Variants in THSD7B observed in about 807,000 individuals in gnomAD.
THSD7B encodes the protein thrombospondin type 1 domain containing 7B.
In THSD7B, 138 loss-of-function variants were observed where a neutral mutation model predicts 213.6. The observed-to-expected ratio is 0.65, with a 90% CI of 0.56 to 0.74. The LOEUF is 0.74. Ranked by LOEUF, THSD7B falls within the 30% of genes least tolerant of loss-of-function variation. The probability of loss-of-function intolerance (pLI) is 0.00; values close to 1 mark genes in which losing one functional copy is unlikely to be tolerated. For missense variants in THSD7B, 1,931 were observed against 1,991.5 expected, an observed-to-expected ratio of 0.97 and a Z score of 0.58; for synonymous variants, 742 against 687.0, an observed-to-expected ratio of 1.08 and a Z score of -1.25.
At chr2:137,225,382 G>A (rs1019430705) in intron 7 of THSD7B, among the ~76,000 whole-genome samples, 1 of 152,204 alleles carries the variant, frequency 6.6e-6, no homozygotes, top group Non-Finnish European at 1.5e-5. Context: ...AGCTGACAAT[G>A]AATTGTGTAG....
At chr2:136,825,720 T>TTTTTTTTTTTTTGTTTTTTTG (rs1682636776) in intron 1 of THSD7B, among the ~76,000 whole-genome samples, 1 of 143,332 alleles carries the variant, frequency 7.0e-6, no homozygotes, top group Non-Finnish European at 1.5e-5. Flanking sequence ...CCTGGCTAAT[T>TTTTTTTTTTTTTGTTTTTTTG]TTTTTTTTTT....
chr2:136,952,391 T>C (rs1270003637), intron 2 of THSD7B, among the ~76,000 whole-genome samples: 1 of 150,842 alleles, frequency 6.6e-6, no homozygotes, highest in Admixed American at 6.6e-5. Flanking sequence ...TCAGTTTCCA[T>C]GAAAAATATA....
At chr2:137,334,380 A>G (rs901260432) in intron 12 of THSD7B, among the ~76,000 whole-genome samples, 4 of 152,190 alleles carry the variant, frequency 2.6e-5, no homozygotes, top group African/African-American at 9.7e-5. Context: ...GGAGCAAGAA[A>G]GGAAGTGATG....
At chr2:137,127,098 G>A (rs2104949223) in intron 5 of THSD7B, among the ~76,000 whole-genome samples, 1 of 152,210 alleles carries the variant, frequency 6.6e-6, no homozygotes, top group South Asian at 2.1e-4. Flanking sequence ...AATAATGCAA[G>A]AATTAGCAAA....
intron 18 of THSD7B, among the ~76,000 whole-genome samples, chr2:137,616,854 G>A (rs951326324): frequency 3.9e-5 from 6 of 152,182 alleles, no homozygotes; most frequent in Non-Finnish European, 7.3e-5. Flanking sequence ...AGTGCTCAGT[G>A]TCTAAAACCA....
chr2:137,290,744 A>G (rs1378436776), intron 12 of THSD7B, among the ~76,000 whole-genome samples: 1 of 152,088 alleles, frequency 6.6e-6, no homozygotes, highest in Non-Finnish European at 1.5e-5. Flanking sequence ...CTAAAAGTGA[A>G]CCTATTTTCT....
intron 4 of THSD7B, among the ~76,000 whole-genome samples, chr2:137,099,770 A>G (rs1257035960): frequency 1.3e-5 from 2 of 152,252 alleles, no homozygotes; most frequent in African/African-American, 4.8e-5. Flanking sequence ...ATCTCAAGGC[A>G]GAAGCTGCAC....
chr2:137,625,811 G>T (rs948977358), intron 20 of THSD7B, among the ~76,000 whole-genome samples: 3 of 152,220 alleles, frequency 2.0e-5, no homozygotes, highest in African/African-American at 7.2e-5. Context: ...TGCCACGGTG[G>T]AAACTCTGTG....
At chr2:136,899,889 G>T (rs1684036228) in intron 2 of THSD7B, among the ~76,000 whole-genome samples, 1 of 152,178 alleles carries the variant, frequency 6.6e-6, no homozygotes, top group South Asian at 2.1e-4. Context: ...AGGTTCAATA[G>T]TGCAGCCTGC....
At chr2:137,577,875 T>C (rs2105241582) in intron 17 of THSD7B, among the ~76,000 whole-genome samples, 1 of 152,278 alleles carries the variant, frequency 6.6e-6, no homozygotes, top group South Asian at 2.1e-4. Flanking sequence ...CAAAAGTTAA[T>C]TAACTGATTA....
intron 2 of THSD7B, among the ~76,000 whole-genome samples, chr2:137,016,510 G>C (rs142533993): frequency 9.2e-5 from 14 of 152,212 alleles, no homozygotes; most frequent in African/African-American, 3.4e-4. Context: ...AAACCTACTT[G>C]CCACCGCACA....
intron 12 of THSD7B, among the ~76,000 whole-genome samples, chr2:137,355,878 G>T (rs1050079349): frequency 7.2e-5 from 11 of 152,316 alleles, no homozygotes; most frequent in Non-Finnish European, 1.6e-4. Context: ...GCTCTGTAAA[G>T]CTAGGCTAAC....
chr2:137,217,929 GA>G (rs988764479), intron 7 of THSD7B, among the ~76,000 whole-genome samples: 3 of 151,970 alleles, frequency 2.0e-5, no homozygotes, highest in Admixed American at 6.6e-5. Context: ...TATGTCTCAG[GA>G]AAAAATGCAT....
intron 5 of THSD7B, among the ~76,000 whole-genome samples, chr2:137,138,955 G>T (rs958246003): frequency 3.9e-5 from 6 of 151,972 alleles, no homozygotes; most frequent in Admixed American, 2.6e-4. Context: ...TCTATAAGGT[G>T]GTATGATTAT....
chr2:137,543,953 C>G (rs1478531705), intron 15 of THSD7B, among the ~76,000 whole-genome samples: 1 of 151,678 alleles, frequency 6.6e-6, no homozygotes, highest in Non-Finnish European at 1.5e-5. Context: ...ACAAAGATGC[C>G]TACAACACAG....
intron 15 of THSD7B, among the ~76,000 whole-genome samples, chr2:137,546,478 A>ATATTATATATATT (rs1491402224): frequency 9.0e-5 from 5 of 55,618 alleles, no homozygotes; most frequent in Non-Finnish European, 1.2e-4. Flanking sequence ...ATATATATAT[A>ATATTATATATATT]ATATATATAT....
rs930262007 is a variant in THSD7B, at chr2:137,071,118, G to T, written c.950+13888G>T. Among the ~76,000 whole-genome samples the T allele has an allele frequency of 5.3e-5, 8 of 152,154 alleles. No individual in the cohort carries two copies. In the South Asian group the frequency reaches 1.0e-3, roughly 20 times the overall value. ...GGGTCAAGTGGTATTTCTAGTTCTA[G>T]ATCCCTGAGGAATCGCCACACTGAC... On this transcript the variant is annotated intron_variant, in intron 3 of 27. Transcript: ENST00000409968.
intron 7 of THSD7B, among the ~76,000 whole-genome samples, chr2:137,226,873 TA>T (rs1681518425): frequency 1.3e-5 from 2 of 152,208 alleles, no homozygotes; most frequent in Non-Finnish European, 2.9e-5. Context: ...CACATTTCAG[TA>T]TATACATACA....
Position 137,334,170 on chromosome 2 carries a change from T to TTCTCTC in THSD7B, c.2500+58170_2500+58175dup, listed in dbSNP as rs139280559. On this transcript the variant is annotated intron_variant, in intron 12 of 27. Coordinates refer to ENST00000409968, the MANE Select transcript of THSD7B (RefSeq NM_001316349.2). ...ATCATTCATTTCTTTCTTTCTCTCT[T>TTCTCTC]TCTCTCTCTCTCTCTCTCTCTCTCT... 3.0e-3 allele frequency among the ~76,000 whole-genome samples: 444 copies of TTCTCTC among 148,924 alleles called. 2 individuals are homozygous for TTCTCTC. Among genetic ancestry groups the TTCTCTC allele is most frequent in the African/African-American group, 0.011 (421 of 39,958 alleles).
Sources: gnomAD v4.1 joint callset for allele counts (sites outside exome capture counted in the v4.1 genomes callset) on GRCh38, gnomAD v4.1.1 for gene constraint, MANE v1.5 for transcripts, NCBI Gene and HGNC (gene_info 2026-07-23, HGNC 2026-07-21) for gene names.